The following PCDHGA8 variants were observed in gnomAD, a reference collection of about 807,000 sequenced individuals.
The protein encoded by PCDHGA8 is protocadherin gamma subfamily A, 8.
A neutral mutation model predicts 59.2 loss-of-function variants in PCDHGA8; 45 were observed. The ratio of observed to expected loss-of-function variants is 0.76; its 90% CI spans 0.60 to 0.98. The LOEUF is 0.98. Ranked by LOEUF, PCDHGA8 falls within the 50% of genes least tolerant of loss-of-function variation. PCDHGA8 has a pLI of 0.00. For missense variants in PCDHGA8, 1,257 were observed against 1,196.2 expected (o/e 1.05, Z -0.75); for synonymous variants, 531 against 519.0 (o/e 1.02, Z -0.32).
chr5:141,426,630 T>C, intron 1 of PCDHGA8: 1 of 398,080 alleles, frequency 2.5e-6, no homozygotes, highest in South Asian at 1.8e-5. Context: ...TCTAAATGTT[T>C]TTCACATAAA....
chr5:141,476,233 G>A lies in PCDHGA8; in HGVS notation c.2425-18574G>A, dbSNP rs1162067190. ...CGGTCATTCACTATGAGATCCCGGA[G>A]GAAAGAGAGAAGGGTTTCGCTGTGG... On this transcript the variant is annotated intron_variant, in intron 1 of 3. Coordinates refer to ENST00000398604, the MANE Select transcript of PCDHGA8 (RefSeq NM_032088.2). The surrounding 1 kb of genome is among the most constrained non-coding windows in gnomAD (Gnocchi z 7.6). The A allele has an allele frequency of 3.1e-6, 5 of 1,613,996 alleles. No homozygotes were observed. Among genetic ancestry groups the A allele is most frequent in the African/African-American group, 2.7e-5 (2 of 74,894 alleles).
intron 1 of PCDHGA8, chr5:141,404,626 T>C (rs1443011566): frequency 1.2e-6 from 2 of 1,614,164 alleles, no homozygotes; most frequent in Admixed American, 3.3e-5. Flanking sequence ...AGAATGACAA[T>C]GCCCCAGAAA....
chr5:141,447,123 TTTTG>T (rs1327676720), intron 1 of PCDHGA8, among the ~76,000 whole-genome samples: 7 of 152,278 alleles, frequency 4.6e-5, no homozygotes, highest in African/African-American at 1.4e-4. Context: ...CCATGGATTT[TTTTG>T]TTTGTTTGTT....
intron 1 of PCDHGA8, chr5:141,404,968 G>A: frequency 6.2e-7 from 1 of 1,613,964 alleles, no homozygotes. Context: ...CAGACATCCT[G>A]GCTGACCTGG....
intron 1 of PCDHGA8, among the ~76,000 whole-genome samples, chr5:141,457,440 A>G (rs188608086): frequency 3.9e-5 from 6 of 152,334 alleles, no homozygotes; most frequent in Non-Finnish European, 8.8e-5. Flanking sequence ...ACCAAGCTGC[A>G]GAAGATCACC....
In PCDHGA8 at chr5:141,490,462, ACCAG is replaced by A; in HGVS notation, c.2425-4338_2425-4335del. On this transcript the variant is annotated intron_variant, in intron 1 of 3. Coordinates refer to ENST00000398604, the MANE Select transcript of PCDHGA8 (RefSeq NM_032088.2). The surrounding 1 kb of genome is among the most constrained non-coding windows in gnomAD (Gnocchi z 5.4). ...TTCTGAGAACCACTACTCGCTGCTA[ACCAG>A]CCAGCCTTTGGACCGGGAGGCCACA... 1 of 1,614,198 alleles carries A rather than the reference ACCAG, an allele frequency of 6.2e-7. No homozygotes were observed.
chr5:141,414,597 C>T, intron 1 of PCDHGA8: 5 of 1,613,972 alleles, frequency 3.1e-6, no homozygotes, highest in Non-Finnish European at 3.4e-6. Flanking sequence ...GGGGTGCCTC[C>T]ATCTTCTCAG....
chr5:141,509,081 A>T (rs1279221589), intron 3 of PCDHGA8, among the ~76,000 whole-genome samples: 1 of 152,160 alleles, frequency 6.6e-6, no homozygotes, highest in Non-Finnish European at 1.5e-5. Context: ...GATTTGCGAC[A>T]TGAAATGGGG....
intron 1 of PCDHGA8, among the ~76,000 whole-genome samples, chr5:141,438,458 G>A (rs1462204360): frequency 6.6e-6 from 1 of 151,538 alleles, no homozygotes. Context: ...CAATGCTTGA[G>A]TTCAATTATT....
intron 1 of PCDHGA8, among the ~76,000 whole-genome samples, chr5:141,429,890 C>A (rs2097251428): frequency 6.6e-6 from 1 of 152,112 alleles, no homozygotes; most frequent in African/African-American, 2.4e-5. Context: ...GTTTCCTGAA[C>A]AATAAATATT....
rs776773140 is a variant in PCDHGA8, at chr5:141,476,589, G to T, written c.2425-18218G>T. The T allele has an allele frequency of 6.2e-7, 1 of 1,614,246 alleles. No individual in the cohort carries two copies. Among genetic ancestry groups the T allele is most frequent in the South Asian group, 1.1e-5 (1 of 91,090 alleles). On this transcript the variant is annotated intron_variant, in intron 1 of 3. Coordinates refer to ENST00000398604, the MANE Select transcript of PCDHGA8 (RefSeq NM_032088.2). This position sits in a 1 kb window ranked among gnomAD's most constrained non-coding sequence, Gnocchi z 7.6. ...CCGGGGACGCGCTTTCCGCTCGAGA[G>T]CGCGCACGATCCCGATGTGGGAAGC...
chr5:141,450,615 T>C (rs2098687601), intron 1 of PCDHGA8, among the ~76,000 whole-genome samples: 1 of 151,340 alleles, frequency 6.6e-6, no homozygotes, highest in African/African-American at 2.4e-5. Flanking sequence ...GCCTCCTGAG[T>C]AGCTGGGATT....
In PCDHGA8 at chr5:141,400,030, C is replaced by T. The variant is rs201599536; in HGVS notation, c.2424+4793C>T. 180 of 1,613,050 alleles carry T rather than the reference C, an allele frequency of 1.1e-4. No individual in the cohort carries two copies. Among genetic ancestry groups the T allele is most frequent in the East Asian group, 1.6e-4 (7 of 44,886 alleles). On this transcript the variant is annotated intron_variant, in intron 1 of 3. Coordinates refer to ENST00000398604, the MANE Select transcript of PCDHGA8 (RefSeq NM_032088.2). Reference sequence around the variant, plus strand: ...TGCCTTGGGCGACAGGGACGCGGCCCGCCAGCGCCTGCTGGTTGCTGTGCG... The same window carrying T: ...TGCCTTGGGCGACAGGGACGCGGCCTGCCAGCGCCTGCTGGTTGCTGTGCG...
intron 1 of PCDHGA8, chr5:141,418,083 T>C: frequency 6.2e-7 from 1 of 1,614,068 alleles, no homozygotes; most frequent in Non-Finnish European, 8.5e-7. Context: ...AAGCTGCACT[T>C]CAGCGTAGAC....
chr5:141,398,861 A>G, intron 1 of PCDHGA8: 1 of 1,613,990 alleles, frequency 6.2e-7, no homozygotes, highest in South Asian at 1.1e-5. Flanking sequence ...TTCAACCGAG[A>G]CGTGTACAGA....
intron 1 of PCDHGA8, chr5:141,410,822 A>C: frequency 2.2e-6 from 1 of 461,410 alleles, no homozygotes; most frequent in Non-Finnish European, 3.6e-6. Context: ...AAATAATGTC[A>C]CCAGACTGAA....
rs531855306 is a variant in PCDHGA8 at position 141,422,110 on chromosome 5, T to C, written c.2424+26873T>C. 230 of 1,606,626 alleles carry C rather than the reference T, an allele frequency of 1.4e-4. 6 individuals carry two copies. The South Asian group carries it at 2.5e-3, about 17-fold the overall frequency. On this transcript the variant is annotated intron_variant, in intron 1 of 3. Coordinates refer to ENST00000398604, the MANE Select transcript of PCDHGA8 (RefSeq NM_032088.2). The stretch of plus-strand genomic sequence containing the variant: ...AAGCAAGGCTTCTGAAATATTCCAA[T>C]TGGATTCACAAACTGGAGAAGTTCA...
chr5:141,505,507 A>G, intron 3 of PCDHGA8, 26 bp downstream of exon 3: 1 of 1,614,004 alleles, frequency 6.2e-7, no homozygotes, highest in South Asian at 1.1e-5. Flanking sequence ...GTGTGTATGG[A>G]AGAGTGGGAG....
chr5:141,475,955 C>A, intron 1 of PCDHGA8: 1 of 800,218 alleles, frequency 1.2e-6, no homozygotes, highest in Non-Finnish European at 1.9e-6. Flanking sequence ...TTCTGCGCCC[C>A]GGGATGAGGC....
Sources: gnomAD v4.1 joint callset for allele counts (sites outside exome capture counted in the v4.1 genomes callset) on GRCh38, gnomAD v4.1.1 for gene constraint, Gnocchi (gnomAD v3.1) non-coding constraint, MANE v1.5 for transcripts, NCBI Gene and HGNC (gene_info 2026-07-23, HGNC 2026-07-21) for gene names.